MAST4: variants seen among roughly 807,000 people sequenced by gnomAD.
MAST4 encodes microtubule-associated serine/threonine-protein kinase 4.
In MAST4, 89 loss-of-function variants were observed where a neutral mutation model predicts 162.7. The observed-to-expected ratio is 0.55, with a 90% CI of 0.46 to 0.65. The LOEUF (loss-of-function observed/expected upper bound fraction) is 0.65. Ranked by LOEUF, MAST4 falls within the 30% of genes least tolerant of loss-of-function variation. The pLI, the probability that MAST4 is intolerant of heterozygous loss-of-function variation, is 0.00. For synonymous variants in MAST4, 1,479 were observed against 1,361.1 expected (o/e 1.09, Z -1.91); for missense variants, 3,153 against 3,374.0 (o/e 0.93, Z 1.62).
chr5:66,771,647 G>A (rs528575166), intron 2 of MAST4, among the ~76,000 whole-genome samples: 2 of 152,142 alleles, frequency 1.3e-5, no homozygotes, highest in Admixed American at 6.5e-5. Context: ...TACAAATAAT[G>A]GGCTTTGGTC....
rs1477316129 is a variant in MAST4, at chr5:67,165,594, A to G, written c.6415A>G (p.Thr2139Ala). 3.1e-6 allele frequency: 5 copies of G among 1,613,740 alleles called. No homozygotes were observed. The South Asian group carries it at 5.5e-5, about 18-fold the overall frequency. ...HPSSIPPPPL[T>A]AKDLSSPAAR... Reference sequence around the variant, plus strand: ...CAGCAGCATCCCTCCGCCCCCTCTGACGGCCAAAGACCTGTCCAGCCCGGC... The same window carrying G: ...CAGCAGCATCCCTCCGCCCCCTCTGGCGGCCAAAGACCTGTCCAGCCCGGC... Residue 2139 changes from threonine (T) to alanine (A), a missense_variant, in exon 29 of 29, where the codon ACG becomes GCG. By Grantham distance (58) the Thr-to-Ala change is moderately conservative. Coordinates refer to ENST00000403625, the MANE Select transcript of MAST4 (RefSeq NM_001164664.2).
At chr5:66,951,491 A>C in intron 4 of MAST4, among the ~76,000 whole-genome samples, 1 of 151,940 alleles carries the variant, frequency 6.6e-6, no homozygotes, top group East Asian at 1.9e-4. Flanking sequence ...TCATTTCAAG[A>C]CTCTTAATCA....
intron 1 of MAST4, among the ~76,000 whole-genome samples, chr5:66,742,675 G>A (rs925671489): frequency 6.6e-6 from 1 of 152,118 alleles, no homozygotes. Flanking sequence ...ACCCAAAGGC[G>A]AAATCTTTTC....
chr5:66,953,646 C>T (rs1241866294), intron 4 of MAST4, among the ~76,000 whole-genome samples: 1 of 151,934 alleles, frequency 6.6e-6, no homozygotes, highest in Non-Finnish European at 1.5e-5. Flanking sequence ...GCATGAGAAG[C>T]AAAACAGTTC....
At chr5:67,030,277 G>A (rs1054970429) in intron 4 of MAST4, among the ~76,000 whole-genome samples, 3 of 151,970 alleles carry the variant, frequency 2.0e-5, no homozygotes, top group African/African-American at 7.2e-5. Context: ...CCTGTATTCC[G>A]TATCTCTTTT....
At chr5:66,900,731 T>G (rs1010478225) in intron 4 of MAST4, among the ~76,000 whole-genome samples, 3 of 152,086 alleles carry the variant, frequency 2.0e-5, no homozygotes, top group Admixed American at 2.0e-4. Flanking sequence ...AAAAAAATAG[T>G]ATTTAAGATA....
At chr5:66,644,747 G>GTT (rs10638374) in intron 1 of MAST4, among the ~76,000 whole-genome samples, 36,846 of 137,446 alleles carry the variant, frequency 0.27, 5,046 homozygotes, top group African/African-American at 0.33. Context: ...ATTTGAAGTA[G>GTT]TTTTTTTTTT....
At chr5:66,995,888 T>TCC (rs149712393) in intron 4 of MAST4, among the ~76,000 whole-genome samples, 1 of 147,236 alleles carries the variant, frequency 6.8e-6, no homozygotes, top group Non-Finnish European at 1.5e-5. Context: ...CACACTCACA[T>TCC]ACACACACAC....
intron 6 of MAST4, among the ~76,000 whole-genome samples, chr5:67,092,998 C>T (rs894916862): frequency 2.6e-5 from 4 of 152,130 alleles, no homozygotes; most frequent in African/African-American, 9.7e-5. Context: ...TCAACTTGTT[C>T]CAACATCAAC....
intron 8 of MAST4, among the ~76,000 whole-genome samples, chr5:67,100,936 A>G (rs1297869272): frequency 6.6e-6 from 1 of 152,242 alleles, no homozygotes; most frequent in Non-Finnish European, 1.5e-5. Flanking sequence ...ATAGAAGGAC[A>G]ACAAGAATAG....
rs1406540588 is a variant in MAST4, at chr5:67,152,664, G to A, written c.3323G>A (p.Ser1108Asn). The change falls in exon 25 of 29, where the codon AGT becomes AAT. Residue 1108 changes from serine (S) to asparagine (N), a missense_variant. Coordinates refer to ENST00000403625, the MANE Select transcript of MAST4 (RefSeq NM_001164664.2). ...ATGTTTGCTGTTTCCCCTCTGGGAA[G>A]TCCAATGTCTCCCCATTCCCTGTCC... ...GDMFAVSPLG[S>N]PMSPHSLSSD... 2 of 1,613,912 alleles carry A rather than the reference G, an allele frequency of 1.2e-6. No individual in the cohort carries two copies. Among genetic ancestry groups the A allele is most frequent in the African/African-American group, 2.7e-5 (2 of 74,930 alleles).
At chr5:66,888,134 T>C (rs2149934267) in intron 3 of MAST4, among the ~76,000 whole-genome samples, 1 of 152,350 alleles carries the variant, frequency 6.6e-6, no homozygotes, top group South Asian at 2.1e-4. Flanking sequence ...ACTTATTAAG[T>C]GATATATATC....
chr5:66,756,238 G>A (rs747765296), intron 1 of MAST4, among the ~76,000 whole-genome samples: 3 of 152,146 alleles, frequency 2.0e-5, no homozygotes, highest in African/African-American at 4.8e-5. Flanking sequence ...AAGAACTAAC[G>A]TAGGAAATTT....
intron 1 of MAST4, among the ~76,000 whole-genome samples, chr5:66,752,842 A>T (rs1285005018): frequency 6.6e-6 from 1 of 151,374 alleles, no homozygotes; most frequent in African/African-American, 2.4e-5. Flanking sequence ...CAGAATATAC[A>T]TTTTTTTCAG....
At chr5:66,928,232 A>G (rs923897969) in intron 4 of MAST4, among the ~76,000 whole-genome samples, 22 of 152,274 alleles carry the variant, frequency 1.4e-4, no homozygotes, top group African/African-American at 5.1e-4. Context: ...GGCAGATTCT[A>G]TCTGCCAGTA....
At chr5:67,060,325 T>C (rs2150587378) in intron 5 of MAST4, among the ~76,000 whole-genome samples, 1 of 152,202 alleles carries the variant, frequency 6.6e-6, no homozygotes, top group East Asian at 1.9e-4. Context: ...GGCATGTTAA[T>C]GCAAATAATT....
At chr5:66,947,416 A>G (rs980900688) in intron 4 of MAST4, among the ~76,000 whole-genome samples, 2 of 152,156 alleles carry the variant, frequency 1.3e-5, no homozygotes, top group South Asian at 2.1e-4. Flanking sequence ...TTTTTCTTAT[A>G]AAGCACATCA....
chr5:66,911,140 C>T (rs1232221777), intron 4 of MAST4, among the ~76,000 whole-genome samples: 1 of 152,134 alleles, frequency 6.6e-6, no homozygotes, highest in African/African-American at 2.4e-5. Flanking sequence ...ATGAGACAAA[C>T]CCATGGAAAT....
intron 3 of MAST4, among the ~76,000 whole-genome samples, chr5:66,818,512 C>G (rs1756837509): frequency 6.6e-6 from 1 of 152,026 alleles, no homozygotes; most frequent in Non-Finnish European, 1.5e-5. Context: ...TCTTGCTCAA[C>G]TAGATAAATA....
Sources: allele counts gnomAD v4.1 joint callset (sites outside exome capture counted in the v4.1 genomes callset), GRCh38; gene constraint gnomAD v4.1.1; transcripts MANE v1.5; gene names NCBI Gene and HGNC (gene_info 2026-07-23, HGNC 2026-07-21).